Variants in TMTC1 observed in about 807,000 individuals in gnomAD.
TMTC1 encodes transmembrane O-mannosyltransferase targeting cadherins 1, also known as protein O-mannosyl-transferase TMTC1.
In TMTC1, 73 loss-of-function variants were observed where a neutral mutation model predicts 104.8. That is an observed-to-expected ratio of 0.70 (90% CI 0.58 to 0.85). TMTC1 has a LOEUF of 0.85. Among genes scored for constraint, TMTC1 ranks in the 40% least tolerant of loss-of-function variants. TMTC1 has a pLI of 0.00. For synonymous variants in TMTC1, 434 were observed against 428.7 expected (o/e 1.01, Z -0.15); for missense variants, 1,035 against 1,096.1 (o/e 0.94, Z 0.79).
At chr12:29,737,704 G>A (rs1381862768) in intron 5 of TMTC1, among the ~76,000 whole-genome samples, 2 of 152,182 alleles carry the variant, frequency 1.3e-5, no homozygotes, top group East Asian at 3.9e-4. Flanking sequence ...CCTAGATGGT[G>A]GAATCAGATG....
At chr12:29,551,335 T>C (rs1463261418) in intron 10 of TMTC1, among the ~76,000 whole-genome samples, 3 of 152,228 alleles carry the variant, frequency 2.0e-5, no homozygotes, top group South Asian at 4.1e-4. Flanking sequence ...AGGAAACATA[T>C]CCCTAGCACT....
chr12:29,647,947 AGGCAGCAGAGCAT>A lies in TMTC1; in HGVS notation c.939-14624_939-14612del, dbSNP rs1939342384. On this transcript the variant is annotated intron_variant, in intron 5 of 17. Transcript: ENST00000539277. Reference sequence around the variant, plus strand: ...AACTGGTAAGACAAAACCAATTTCTAGGCAGCAGAGCATGGCTATGGTCGTGGAAATGACATTT... The same window carrying A: ...AACTGGTAAGACAAAACCAATTTCTAGGCTATGGTCGTGGAAATGACATTT... Among the ~76,000 whole-genome samples the A allele has an allele frequency of 2.6e-5, 4 of 152,332 alleles. No individual in the cohort carries two copies. The South Asian group carries it at 8.3e-4, about 32-fold the overall frequency.
At chr12:29,632,273 G>A (rs915138060) in intron 6 of TMTC1, among the ~76,000 whole-genome samples, 17 of 152,050 alleles carry the variant, frequency 1.1e-4, no homozygotes, top group African/African-American at 3.4e-4. Context: ...TGCAGTAGCA[G>A]TTTTTCATAA....
chr12:29,776,306 TCCAA>T (rs1943705850), intron 1 of TMTC1, among the ~76,000 whole-genome samples: 1 of 152,170 alleles, frequency 6.6e-6, no homozygotes, highest in Admixed American at 6.5e-5. Flanking sequence ...TCCAGCAAGT[TCCAA>T]TAGAAATTCA....
At chr12:29,562,794 C>T (rs1945410042) in intron 9 of TMTC1, among the ~76,000 whole-genome samples, 1 of 152,176 alleles carries the variant, frequency 6.6e-6, no homozygotes, top group African/African-American at 2.4e-5. Flanking sequence ...ATATCCATCA[C>T]CACACCTGTT....
chr12:29,736,506 G>A (rs376624370), intron 5 of TMTC1, among the ~76,000 whole-genome samples: 1 of 151,864 alleles, frequency 6.6e-6, no homozygotes, highest in East Asian at 1.9e-4. Flanking sequence ...TGCAACCTCC[G>A]TCTCCCAGGT....
chr12:29,622,749 T>C (rs1204442547), intron 6 of TMTC1, among the ~76,000 whole-genome samples: 3 of 152,214 alleles, frequency 2.0e-5, no homozygotes, highest in Admixed American at 2.0e-4. Context: ...CATTATGTAA[T>C]ATAAATTCAA....
chr12:29,735,385 G>T (rs1183149676), intron 5 of TMTC1, among the ~76,000 whole-genome samples: 1 of 152,114 alleles, frequency 6.6e-6, no homozygotes, highest in African/African-American at 2.4e-5. Context: ...GTTGCAAAAT[G>T]CAGATAAGAA....
intron 5 of TMTC1, among the ~76,000 whole-genome samples, chr12:29,686,094 C>G (rs1372551588): frequency 6.6e-6 from 1 of 152,122 alleles, no homozygotes; most frequent in African/African-American, 2.4e-5. Context: ...GATCACCAAC[C>G]AATCCAGTAT....
intron 6 of TMTC1, among the ~76,000 whole-genome samples, chr12:29,610,229 C>T (rs1274652539): frequency 6.6e-6 from 1 of 152,174 alleles, no homozygotes; most frequent in Non-Finnish European, 1.5e-5. Context: ...CTGGTGTGAG[C>T]TACTAGGAGC....
At chr12:29,720,192 T>C (rs1942198028) in intron 5 of TMTC1, among the ~76,000 whole-genome samples, 1 of 152,220 alleles carries the variant, frequency 6.6e-6, no homozygotes, top group Admixed American at 6.5e-5. Context: ...ATTATCCCAG[T>C]CTTCCAGCTT....
At chr12:29,631,917 G>A (rs932532146) in intron 6 of TMTC1, among the ~76,000 whole-genome samples, 1 of 152,172 alleles carries the variant, frequency 6.6e-6, no homozygotes, top group African/African-American at 2.4e-5. Context: ...GATAACTCAA[G>A]CCAGTGAATT....
chr12:29,595,940 C>T (rs187104862), intron 7 of TMTC1, among the ~76,000 whole-genome samples: 6 of 152,154 alleles, frequency 3.9e-5, no homozygotes, highest in African/African-American at 7.2e-5. Flanking sequence ...TATTTAAGAA[C>T]GTTAGAATCC....
In TMTC1 at chr12:29,504,055, T is replaced by C. The variant is rs1428139772; in HGVS notation, c.*2791A>G. The C allele has an allele frequency of 6.6e-6, 1 of 151,808 alleles. No individual in the cohort carries two copies. Among genetic ancestry groups the C allele is most frequent in the African/African-American group, 2.4e-5 (1 of 41,280 alleles). 9.4% of individuals were successfully genotyped at this position (151,808 alleles called of 1,614,324 possible). On this transcript the variant is annotated 3_prime_UTR_variant, in exon 18 of 18. Transcript: ENST00000539277. The stretch of plus-strand genomic sequence containing the variant: ...GCCATGTTTGTGCCACTGAACTCCA[T>C]CCTGGGTGACAAAAAGACAAAGTGG...
chr12:29,549,502 T>G (rs191113272), intron 10 of TMTC1, among the ~76,000 whole-genome samples: 3 of 152,098 alleles, frequency 2.0e-5, no homozygotes. Flanking sequence ...CACTGAAGAC[T>G]TAAGATTTGT....
At chr12:29,573,940 A>T (rs1945751074) in intron 8 of TMTC1, among the ~76,000 whole-genome samples, 1 of 152,044 alleles carries the variant, frequency 6.6e-6, no homozygotes. Context: ...CAGTGCATGG[A>T]GACCTCCTGG....
At chr12:29,769,331 C>G (rs2120525169) in intron 1 of TMTC1, among the ~76,000 whole-genome samples, 1 of 152,296 alleles carries the variant, frequency 6.6e-6, no homozygotes, top group African/African-American at 2.4e-5. Flanking sequence ...TTGGATCCAA[C>G]TCCAGGGCTC....
At chr12:29,731,726 T>C (rs1942551804) in intron 5 of TMTC1, among the ~76,000 whole-genome samples, 1 of 152,216 alleles carries the variant, frequency 6.6e-6, no homozygotes, top group Admixed American at 6.5e-5. Flanking sequence ...GATACAGCTA[T>C]CCAAATGTAC....
chr12:29,608,188 G>A (rs1478533128), intron 6 of TMTC1, among the ~76,000 whole-genome samples: 1 of 152,168 alleles, frequency 6.6e-6, no homozygotes, highest in Non-Finnish European at 1.5e-5. Context: ...GAAAAAAAGT[G>A]CATCATGGAC....
Sources: gnomAD v4.1 joint callset for allele counts (sites outside exome capture counted in the v4.1 genomes callset) on GRCh38, gnomAD v4.1.1 for gene constraint, MANE v1.5 for transcripts, NCBI Gene and HGNC (gene_info 2026-07-23, HGNC 2026-07-21) for gene names.